Variants in DTNB observed in about 807,000 individuals in gnomAD.
DTNB encodes the protein dystrobrevin beta, also known as DTN-B.
A neutral mutation model predicts 90.7 loss-of-function variants in DTNB; 63 were observed. The ratio of observed to expected loss-of-function variants is 0.69; its 90% CI spans 0.57 to 0.86. The LOEUF (loss-of-function observed/expected upper bound fraction) is 0.86, where lower values mean the gene tolerates loss of function less well. Ranked by LOEUF, DTNB falls within the 40% of genes least tolerant of loss-of-function variation. DTNB has a pLI of 0.00. For synonymous variants in DTNB, 277 were observed against 286.7 expected, an observed-to-expected ratio of 0.97 and a Z score of 0.34; for missense variants, 744 against 807.1, an observed-to-expected ratio of 0.92 and a Z score of 0.95.
intron 17 of DTNB, 71 bp downstream of exon 17, chr2:25,388,131 C>T: frequency 6.5e-7 from 1 of 1,532,412 alleles, no homozygotes; most frequent in Non-Finnish European, 8.7e-7. Context: ...ATGGAAAAAA[C>T]CTCAGCAGGA....
At chr2:25,648,693 T>G (rs1484107461) in intron 2 of DTNB, among the ~76,000 whole-genome samples, 1 of 152,180 alleles carries the variant, frequency 6.6e-6, no homozygotes, top group Non-Finnish European at 1.5e-5. Context: ...CTAAAATATT[T>G]ACTTTCTGGC....
chr2:25,469,547 G>C (rs957608035), intron 10 of DTNB, among the ~76,000 whole-genome samples: 3 of 152,192 alleles, frequency 2.0e-5, no homozygotes, highest in Admixed American at 2.0e-4. Context: ...CTGGGTTCAA[G>C]TGATTCTTGT....
chr2:25,536,305 G>A lies in DTNB; in HGVS notation c.877-4708C>T, dbSNP rs80135849. ...CTGCTCACTTCCTACACGGGGTGGC[G>A]GGCGGGCAGAGGCTGTAATCTTAGC... On this transcript the variant is annotated intron_variant, in intron 8 of 20. Transcript: ENST00000406818. Among the ~76,000 whole-genome samples, 664 of 152,272 alleles carry A rather than the reference G, an allele frequency of 4.4e-3. 4 individuals carry two copies. Among genetic ancestry groups the A allele is most frequent in the African/African-American group, 0.015 (614 of 41,544 alleles).
Position 25,455,770 on chromosome 2 carries a change from G to T in DTNB, c.1080-276C>A, listed in dbSNP as rs1425717608. On this transcript the variant is annotated intron_variant, in intron 10 of 20. Coordinates refer to ENST00000406818, the MANE Select transcript of DTNB (RefSeq NM_021907.5). ...GGAAGAACCTGTTGAGTCGGCAGGG[G>T]AGCCGCATGTACCACTTTTGTTCGG... Among the ~76,000 whole-genome samples, 6 of 152,216 alleles carry T rather than the reference G, an allele frequency of 3.9e-5. No individual in the cohort carries two copies. In the East Asian group the frequency reaches 1.2e-3, roughly 29 times the overall value.
In DTNB at chr2:25,596,114, T is replaced by G; in HGVS notation, c.575A>C (p.His192Pro). Residue 192 changes from histidine to proline, a missense_variant, in exon 6 of 21, where the codon CAC becomes CCC. Transcript: ENST00000406818. ...FEGPSFGYTE[H>P]SVRTCFPQQR... ...CTGTGGAAAACAGGTGCGGACTGAG[T>G]GCTCTGTGTAACCAAAAGATGGCCC... The G allele has an allele frequency of 6.2e-7, 1 of 1,612,494 alleles. No individual in the cohort carries two copies. Among genetic ancestry groups the G allele is most frequent in the Non-Finnish European group, 8.5e-7 (1 of 1,179,326 alleles).
At chr2:25,399,199 C>T (rs1573852246) in intron 16 of DTNB, among the ~76,000 whole-genome samples, 3 of 151,938 alleles carry the variant, frequency 2.0e-5, no homozygotes. Context: ...CAGGCGTGCA[C>T]CACCATGCCC....
At chr2:25,651,148 G>A (rs961779436) in intron 2 of DTNB, among the ~76,000 whole-genome samples, 2 of 152,166 alleles carry the variant, frequency 1.3e-5, no homozygotes, top group Non-Finnish European at 2.9e-5. Flanking sequence ...TATTAAGTAT[G>A]TACTACTTAC....
intron 9 of DTNB, among the ~76,000 whole-genome samples, chr2:25,485,535 T>C (rs926396901): frequency 2.0e-5 from 3 of 152,232 alleles, no homozygotes; most frequent in Non-Finnish European, 2.9e-5. Flanking sequence ...GCTTCTTCTC[T>C]AATATTCAAA....
chr2:25,610,712 A>AT (rs1166954347), intron 4 of DTNB, among the ~76,000 whole-genome samples: 2 of 121,462 alleles, frequency 1.6e-5, no homozygotes, highest in African/African-American at 6.2e-5. Flanking sequence ...GGTAACTTCT[A>AT]TCCTTTTTTT....
At chr2:25,382,510 G>A (rs1273282491) in intron 19 of DTNB, among the ~76,000 whole-genome samples, 2 of 136,392 alleles carry the variant, frequency 1.5e-5, no homozygotes, top group Non-Finnish European at 3.1e-5. Context: ...GAAAGACCCA[G>A]TTCTCTGCCT....
intron 8 of DTNB, among the ~76,000 whole-genome samples, chr2:25,575,368 AACT>A (rs200317261): frequency 6.6e-6 from 1 of 152,164 alleles, no homozygotes; most frequent in East Asian, 1.9e-4. Flanking sequence ...AAAGAAAAGA[AACT>A]ACTGTGTTTT....
chr2:25,476,092 T>C (rs2063698939), intron 10 of DTNB, among the ~76,000 whole-genome samples: 3 of 144,068 alleles, frequency 2.1e-5, no homozygotes, highest in South Asian at 4.4e-4. Context: ...TTTTGAGAAG[T>C]AGTTTCGCTC....
At chr2:25,454,579 T>C (rs565526863) in intron 11 of DTNB, among the ~76,000 whole-genome samples, 1 of 152,334 alleles carries the variant, frequency 6.6e-6, no homozygotes, top group Non-Finnish European at 1.5e-5. Context: ...GTCATCCTAC[T>C]TGAAGAATGG....
intron 1 of DTNB, among the ~76,000 whole-genome samples, chr2:25,660,805 C>T (rs971541223): frequency 2.0e-5 from 3 of 151,724 alleles, no homozygotes; most frequent in African/African-American, 4.8e-5. Flanking sequence ...TGCTACAAAA[C>T]GTTGTACCTG....
chr2:25,651,341 A>G (rs2148931007), intron 2 of DTNB, among the ~76,000 whole-genome samples: 1 of 152,368 alleles, frequency 6.6e-6, no homozygotes, highest in Non-Finnish European at 1.5e-5. Context: ...GAGGCAGCCA[A>G]GATCCAAACT....
In DTNB at chr2:25,551,871, A is replaced by G. The variant is rs949558437; in HGVS notation, c.877-20274T>C. Among the ~76,000 whole-genome samples, 5 of 152,294 alleles carry G rather than the reference A, an allele frequency of 3.3e-5. No individual in the cohort carries two copies. In the East Asian group the frequency reaches 7.7e-4, roughly 23 times the overall value. Reference sequence around the variant, plus strand: ...TCTACACTTTGTTTTCTTTTACTTTATAATAATAGTAATGTACTAAGGAAT... The same window carrying G: ...TCTACACTTTGTTTTCTTTTACTTTGTAATAATAGTAATGTACTAAGGAAT... On this transcript the variant is annotated intron_variant, in intron 8 of 20. Coordinates refer to ENST00000406818, the MANE Select transcript of DTNB (RefSeq NM_021907.5).
chr2:25,562,957 A>T (rs903261837), intron 8 of DTNB, among the ~76,000 whole-genome samples: 2 of 151,878 alleles, frequency 1.3e-5, no homozygotes, highest in Non-Finnish European at 2.9e-5. Context: ...TTGTGTAGAG[A>T]TGGGGTTTCA....
In DTNB at chr2:25,432,961, T is replaced by C. The variant is rs780357628; in HGVS notation, c.1382A>G (p.His461Arg). The part of the protein sequence containing the change: ...LQEIQRLRLE[H>R]EQASQPTPEK... ...AGGGGTGGGCTGGGAGGCCTGCTCGTGTTCCAGGCGGAGACGCTGAATCTC... is the reference window on the plus strand; with the variant it reads ...AGGGGTGGGCTGGGAGGCCTGCTCGCGTTCCAGGCGGAGACGCTGAATCTC... The change falls in exon 14 of 21, where the codon CAC becomes CGC. Residue 461 changes from histidine to arginine, a missense_variant. Coordinates refer to ENST00000406818, the MANE Select transcript of DTNB (RefSeq NM_021907.5). 1 of 1,610,960 alleles carries C rather than the reference T, an allele frequency of 6.2e-7. No individual in the cohort carries two copies. Among genetic ancestry groups the C allele is most frequent in the South Asian group, 1.1e-5 (1 of 90,296 alleles).
At chr2:25,619,959 G>T (rs1019043665) in intron 4 of DTNB, among the ~76,000 whole-genome samples, 1 of 152,088 alleles carries the variant, frequency 6.6e-6, no homozygotes, top group Non-Finnish European at 1.5e-5. Flanking sequence ...AGAATCACTT[G>T]AACCCGGGAG....
Sources: gnomAD v4.1 joint callset for allele counts (sites outside exome capture counted in the v4.1 genomes callset) on GRCh38, gnomAD v4.1.1 for gene constraint, MANE v1.5 for transcripts, NCBI Gene and HGNC (gene_info 2026-07-23, HGNC 2026-07-21) for gene names.